SIDT1: variants seen among roughly 807,000 people sequenced by gnomAD.
SIDT1 encodes the protein SID1 transmembrane family, member 1.
In SIDT1, 101 loss-of-function variants were observed where a neutral mutation model predicts 107.5. The observed-to-expected ratio is 0.94, with a 90% confidence interval of 0.80 to 1.11. The LOEUF is 1.11. Ranked by LOEUF, SIDT1 falls within the 50% of genes least tolerant of loss-of-function variation. The pLI, the probability that SIDT1 is intolerant of heterozygous loss-of-function variation, is 0.00. For synonymous variants in SIDT1, 395 were observed against 398.2 expected, an observed-to-expected ratio of 0.99 and a Z score of 0.10; for missense variants, 1,076 against 1,058.2, an observed-to-expected ratio of 1.02 and a Z score of -0.23.
chr3:113,549,733 G>T (rs1013422028), intron 1 of SIDT1, among the ~76,000 whole-genome samples: 1 of 152,076 alleles, frequency 6.6e-6, no homozygotes, highest in African/African-American at 2.4e-5. Context: ...ACACAGATCA[G>T]ATATTTTTAT....
chr3:113,566,662 G>A, intron 2 of SIDT1, 121 bp downstream of exon 2: 4 of 1,099,116 alleles, frequency 3.6e-6, no homozygotes, highest in Non-Finnish European at 3.9e-6. Context: ...AAGACATTCT[G>A]CATACGGGGT....
intron 19 of SIDT1, chr3:113,612,399 T>C: frequency 1.6e-6 from 1 of 627,014 alleles, no homozygotes; most frequent in South Asian, 1.5e-5. Context: ...CCTAGTTCTA[T>C]TTTCAGCTGA....
rs9842516 is a variant in SIDT1, at chr3:113,612,442, T to G, written c.1966+248T>G. Reference sequence around the variant, plus strand: ...AGGTTTGCCACACCTCAGAGATGAGTTGTACCTCCAACCCCTGGTTGCAAA... The same window carrying G: ...AGGTTTGCCACACCTCAGAGATGAGGTGTACCTCCAACCCCTGGTTGCAAA... On this transcript the variant is annotated intron_variant, in intron 19 of 24. Transcript: ENST00000264852. 207,558 of 566,698 alleles carry G rather than the reference T, an allele frequency of 0.37. 41,318 individuals carry two copies. Among genetic ancestry groups the G allele is most frequent in the African/African-American group, 0.63 (33,734 of 53,702 alleles). 35.1% of individuals were successfully genotyped at this position (566,698 alleles called of 1,614,324 possible). A position where few individuals can be genotyped will look rare whatever the true frequency, so the allele number is the denominator to read the frequency against.
intron 19 of SIDT1, among the ~76,000 whole-genome samples, chr3:113,614,769 G>A (rs1473143234): frequency 6.6e-6 from 1 of 152,188 alleles, no homozygotes; most frequent in Non-Finnish European, 1.5e-5. Context: ...GGACCTCAGG[G>A]ATTTCTCATG....
At chr3:113,554,970 ACATGGT>A (rs1321017990) in intron 1 of SIDT1, among the ~76,000 whole-genome samples, 1 of 152,210 alleles carries the variant, frequency 6.6e-6, no homozygotes, top group Non-Finnish European at 1.5e-5. Flanking sequence ...GAGCATGGCA[ACATGGT>A]CATGGCACTT....
intron 4 of SIDT1, among the ~76,000 whole-genome samples, chr3:113,577,846 G>C (rs9823358): frequency 0.28 from 42,014 of 152,100 alleles, 6,341 homozygotes; most frequent in East Asian, 0.59. Context: ...GGTTCTCAGA[G>C]AGAAAGCCCT....
chr3:113,557,822 G>A (rs957037177), intron 1 of SIDT1, among the ~76,000 whole-genome samples: 1 of 152,184 alleles, frequency 6.6e-6, no homozygotes, highest in African/African-American at 2.4e-5. Flanking sequence ...ATCAAGCCTT[G>A]CACATTACTG....
At chr3:113,542,282 T>A (rs2107602541) in intron 1 of SIDT1, among the ~76,000 whole-genome samples, 1 of 152,274 alleles carries the variant, frequency 6.6e-6, no homozygotes. Flanking sequence ...GCTTCAGTAA[T>A]TTTTTATGTC....
intron 17 of SIDT1, among the ~76,000 whole-genome samples, chr3:113,609,362 G>A (rs902275067): frequency 5.9e-5 from 9 of 152,014 alleles, no homozygotes; most frequent in Admixed American, 2.6e-4. Flanking sequence ...CACCACACCC[G>A]GCCCCATGAG....
chr3:113,615,193 G>C (rs776393510), intron 19 of SIDT1: 1 of 1,090,420 alleles, frequency 9.2e-7, no homozygotes, highest in Non-Finnish European at 1.3e-6. Context: ...GGCAGACTCC[G>C]TGGGAGTGGG....
At chr3:113,601,211 T>C in intron 10 of SIDT1, 1 of 164,662 alleles carries the variant, frequency 6.1e-6, no homozygotes, top group Non-Finnish European at 1.3e-5. Context: ...GCTAAAAACC[T>C]ACAAAGCTGG....
At chr3:113,618,156 T>C (rs1333253646) in intron 20 of SIDT1, among the ~76,000 whole-genome samples, 1 of 152,242 alleles carries the variant, frequency 6.6e-6, no homozygotes, top group Non-Finnish European at 1.5e-5. Context: ...TTTTCCAAAA[T>C]GTAATTGGAA....
chr3:113,545,329 AAG>A (rs1206851142), intron 1 of SIDT1, among the ~76,000 whole-genome samples: 2 of 152,228 alleles, frequency 1.3e-5, no homozygotes, highest in Middle Eastern at 3.4e-3. Context: ...TACTGTAAGA[AAG>A]AGATTTTTCT....
At chr3:113,571,933 TCA>T in intron 3 of SIDT1, among the ~76,000 whole-genome samples, 1 of 151,222 alleles carries the variant, frequency 6.6e-6, no homozygotes, top group East Asian at 2.0e-4. Context: ...AGACTCCGTC[TCA>T]CACACACACA....
chr3:113,615,883 G>C, intron 19 of SIDT1: 2 of 573,726 alleles, frequency 3.5e-6, no homozygotes, highest in Middle Eastern at 6.9e-4. Context: ...CATCTTCCTT[G>C]CCTTTCTGCT....
rs56167882 is a variant in SIDT1 at position 113,583,641 on chromosome 3, G to A, written c.835+145G>A. The A allele has an allele frequency of 3.6e-3, 1,812 of 497,026 alleles. 25 individuals are homozygous for A. Among genetic ancestry groups the A allele is most frequent in the African/African-American group, 0.031 (1,623 of 52,890 alleles). 30.8% of individuals were successfully genotyped at this position (497,026 alleles called of 1,614,324 possible). A position where few individuals can be genotyped will look rare whatever the true frequency, so the allele number is the denominator to read the frequency against. ...GGAAAGGCATCTGAGAGATACTTGA[G>A]AAAAAAAACGAAAGATAGAAAGTAA... On this transcript the variant is annotated intron_variant, in intron 7 of 24. Coordinates refer to ENST00000264852, the MANE Select transcript of SIDT1 (RefSeq NM_017699.3).
intron 1 of SIDT1, among the ~76,000 whole-genome samples, chr3:113,546,699 G>A (rs1486265752): frequency 6.6e-6 from 1 of 152,058 alleles, no homozygotes; most frequent in African/African-American, 2.4e-5. Flanking sequence ...TATCTTCTAT[G>A]TCATTTCTTT....
chr3:113,601,499 G>A (rs761215017), intron 10 of SIDT1, 89 bp from the exon 11 acceptor site: 3 of 866,528 alleles, frequency 3.5e-6, no homozygotes, highest in Non-Finnish European at 5.7e-6. Context: ...CTAAAATAAT[G>A]TGCCCTGATG....
chr3:113,549,131 C>G (rs1333319643), intron 1 of SIDT1, among the ~76,000 whole-genome samples: 1 of 151,930 alleles, frequency 6.6e-6, no homozygotes, highest in Non-Finnish European at 1.5e-5. Context: ...CTGGATATAC[C>G]ACAGTGTGTT....
Sources: gnomAD v4.1 joint callset for allele counts (sites outside exome capture counted in the v4.1 genomes callset) on GRCh38, gnomAD v4.1.1 for gene constraint, MANE v1.5 for transcripts, NCBI Gene and HGNC (gene_info 2026-07-23, HGNC 2026-07-21) for gene names.